ARNT2: variants seen among roughly 807,000 people sequenced by gnomAD.
ARNT2 encodes the protein ARNT protein 2.
A neutral mutation model predicts 91.7 loss-of-function variants in ARNT2; 36 were observed. That is an observed-to-expected ratio of 0.39 (90% confidence interval 0.30 to 0.52). The LOEUF is 0.52. ARNT2 is among the 20% of genes least tolerant of loss of function. The pLI, the probability that ARNT2 is intolerant of heterozygous loss-of-function variation, is 0.72. For synonymous variants in ARNT2, 365 were observed against 347.1 expected (o/e 1.05, Z -0.57); for missense variants, 775 against 939.3 (o/e 0.83, Z 2.29).
intron 1 of ARNT2, among the ~76,000 whole-genome samples, chr15:80,433,094 G>A (rs978551085): frequency 3.3e-5 from 5 of 151,864 alleles, no homozygotes; most frequent in African/African-American, 1.2e-4. Context: ...ATTCAACAAG[G>A]AAACTACTTT....
At chr15:80,513,744 C>G (rs1044724211) in intron 6 of ARNT2, among the ~76,000 whole-genome samples, 167 bp from the exon 7 acceptor site, 1 of 103,026 alleles carries the variant, frequency 9.7e-6, no homozygotes, top group Non-Finnish European at 2.2e-5. Context: ...AAAAAAAAAT[C>G]AAAGGCATGC....
intron 1 of ARNT2, chr15:80,445,048 T>A (rs929128065): frequency 6.7e-6 from 1 of 150,190 alleles, no homozygotes; most frequent in Non-Finnish European, 1.5e-5. Context: ...TATGTGAGGG[T>A]GTGTACGTGT....
In ARNT2 at chr15:80,573,995, G is replaced by A. The variant is rs563913426; in HGVS notation, c.1317-153G>A. On this transcript the variant is annotated intron_variant, in intron 12 of 18. Coordinates refer to ENST00000303329, the MANE Select transcript of ARNT2 (RefSeq NM_014862.4). ...GCAATGTCTGGAGTCTTGATTTAGG[G>A]CATTAAAAATAAAATGATTAAAAAT... 32 of 622,972 alleles carry A rather than the reference G, an allele frequency of 5.1e-5. No homozygotes were observed. In the African/African-American group the frequency reaches 5.3e-4, roughly 10 times the overall value. 38.6% of individuals were successfully genotyped at this position (622,972 alleles called of 1,614,324 possible).
chr15:80,576,528 C>T (rs1396790127), intron 14 of ARNT2, among the ~76,000 whole-genome samples: 1 of 152,214 alleles, frequency 6.6e-6, no homozygotes, highest in Non-Finnish European at 1.5e-5. Context: ...CCGCCTGCCT[C>T]AGCCTCCCAA....
rs371680139 is a variant in ARNT2, at chr15:80,539,492, A to T, written c.878-11707A>T. 1.6e-4 allele frequency among the ~76,000 whole-genome samples: 24 copies of T among 152,314 alleles called. No homozygotes were observed. The East Asian group carries it at 2.9e-3, about 18-fold the overall frequency. On this transcript the variant is annotated intron_variant, in intron 8 of 18. Transcript: ENST00000303329. ...CACTTGAAACCATAATTAATATCTT[A>T]TGCAGAGTGATTAAATATTAGAAGG...
chr15:80,456,288 T>C (rs890437153), intron 2 of ARNT2, among the ~76,000 whole-genome samples: 5 of 144,254 alleles, frequency 3.5e-5, no homozygotes, highest in Non-Finnish European at 7.7e-5. Flanking sequence ...TTTTTTTTTT[T>C]CTTATCACTG....
intron 5 of ARNT2, among the ~76,000 whole-genome samples, chr15:80,495,889 C>T (rs1397921494): frequency 6.6e-6 from 1 of 152,222 alleles, no homozygotes; most frequent in African/African-American, 2.4e-5. Context: ...CCTTTAGCAC[C>T]TCCTCTGGGA....
At chr15:80,443,816 G>A (rs1220980073) in intron 1 of ARNT2, among the ~76,000 whole-genome samples, 1 of 152,208 alleles carries the variant, frequency 6.6e-6, no homozygotes, top group East Asian at 1.9e-4. Flanking sequence ...GCCTTGTGAC[G>A]ATGGCAGCTC....
rs758396995 is a variant in ARNT2 at position 80,563,163 on chromosome 15, C to T, written c.1240C>T (p.Arg414Cys). ...RTKNREWMLI[R>C]TSSFTFQNPY... ...CAAGAACCGGGAGTGGATGTTGATC[C>T]GCACCAGCAGCTTCACATTCCAGAA... The change falls in exon 12 of 19, where the codon CGC becomes TGC. Residue 414 changes from arginine (R) to cysteine (C), a missense_variant. By Grantham distance (180) the Arg-to-Cys change is radical. Coordinates refer to ENST00000303329, the MANE Select transcript of ARNT2 (RefSeq NM_014862.4). 1.4e-5 allele frequency: 23 copies of T among 1,614,094 alleles called. No individual in the cohort carries two copies. The highest frequency in any genetic ancestry group is 3.3e-5 in the Admixed American group (2 of 59,998).
In ARNT2 at chr15:80,442,391, A is replaced by G. The variant is rs189626749; in HGVS notation, c.32-8489A>G. 1.2e-4 allele frequency among the ~76,000 whole-genome samples: 19 copies of G among 152,268 alleles called. No homozygotes were observed. In the East Asian group the frequency reaches 3.5e-3, roughly 28 times the overall value. ...GCATCCCTCACAGCATGCATTTCTC[A>G]GTGTGAAATTACTAGGCTCTGTGCC... On this transcript the variant is annotated intron_variant, in intron 1 of 18. Transcript: ENST00000303329.
At chr15:80,442,985 T>G in intron 1 of ARNT2, 1 of 985,476 alleles carries the variant, frequency 1.0e-6, no homozygotes, top group Non-Finnish European at 1.2e-6. Flanking sequence ...ATCTCTCACC[T>G]GGACTGCTGT....
chr15:80,573,482 A>G (rs989364448), intron 12 of ARNT2, among the ~76,000 whole-genome samples: 1 of 152,144 alleles, frequency 6.6e-6, no homozygotes, highest in Non-Finnish European at 1.5e-5. Flanking sequence ...ATTGAAGAGG[A>G]TCCTGTCATT....
chr15:80,410,318 AAGGAGTT>A (rs1167790143), intron 1 of ARNT2, among the ~76,000 whole-genome samples: 2 of 152,144 alleles, frequency 1.3e-5, no homozygotes. Flanking sequence ...ACTTCATTGT[AAGGAGTT>A]AGGGGAAGAG....
intron 17 of ARNT2, among the ~76,000 whole-genome samples, chr15:80,583,292 C>T (rs955174125): frequency 2.0e-5 from 3 of 152,252 alleles, no homozygotes; most frequent in Non-Finnish European, 4.4e-5. Flanking sequence ...CTTGGAGCAT[C>T]CCACTGTGGC....
At chr15:80,429,444 G>T (rs571203078) in intron 1 of ARNT2, among the ~76,000 whole-genome samples, 1 of 152,338 alleles carries the variant, frequency 6.6e-6, no homozygotes, top group South Asian at 2.1e-4. Context: ...CTCGCAAGGT[G>T]GGGCGCCTGG....
At chr15:80,452,232 A>G (rs1896404870) in intron 2 of ARNT2, among the ~76,000 whole-genome samples, 1 of 152,224 alleles carries the variant, frequency 6.6e-6, no homozygotes, top group South Asian at 2.1e-4. Flanking sequence ...CCAGCAGCAG[A>G]GCTCAGTGGT....
rs56826755 is a variant in ARNT2 at position 80,407,709 on chromosome 15, C to CTGTG, written c.31+3181_31+3184dup. 7.5e-3 allele frequency among the ~76,000 whole-genome samples: 1,124 copies of CTGTG among 149,602 alleles called. 8 individuals carry two copies. Among genetic ancestry groups the CTGTG allele is most frequent in the African/African-American group, 0.026 (1,049 of 41,004 alleles). On this transcript the variant is annotated intron_variant, in intron 1 of 18. Transcript: ENST00000303329. ...TCATAGAATCTTCCGTTTTGTGTGT[C>CTGTG]TGTGTGTGTGTGTGTGTGTGTTGTT...
At position 80,552,682 on chromosome 15, in the gene ARNT2, G is replaced by T. The variant is rs556772189; in HGVS notation, c.997G>T (p.Val333Leu). Residue 333 changes from valine to leucine, a missense_variant, in exon 10 of 19, where the codon GTG becomes TTG. By Grantham distance (32) the Val-to-Leu change is conservative. This residue lies in a region of ARNT2 where 285 missense variants were observed against 327.2 expected (regional missense o/e 0.87). Coordinates refer to ENST00000303329, the MANE Select transcript of ARNT2 (RefSeq NM_014862.4). ...PVCMDMNGMSVPTEFLSRHNS... is the reference protein window; with the variant it reads ...PVCMDMNGMSLPTEFLSRHNS... ...ATGCATGGACATGAATGGGATGTCGGTGCCCACAGAGTTCTTATCCCGGCA... is the reference window on the plus strand; with the variant it reads ...ATGCATGGACATGAATGGGATGTCGTTGCCCACAGAGTTCTTATCCCGGCA... The T allele has an allele frequency of 1.2e-6, 2 of 1,614,002 alleles. No individual in the cohort carries two copies. The highest frequency in any genetic ancestry group is 1.7e-6 in the Non-Finnish European group (2 of 1,179,948).
At chr15:80,585,038 G>A (rs553287622) in intron 17 of ARNT2, among the ~76,000 whole-genome samples, 3 of 152,334 alleles carry the variant, frequency 2.0e-5, no homozygotes, top group East Asian at 3.9e-4. Flanking sequence ...GAGAAAAAAC[G>A]CCCCTGCCTG....
Sources: allele counts gnomAD v4.1 joint callset (sites outside exome capture counted in the v4.1 genomes callset), GRCh38; gene constraint gnomAD v4.1.1; regional missense constraint gnomAD v4.1.1; transcripts MANE v1.5; gene names NCBI Gene and HGNC (gene_info 2026-07-23, HGNC 2026-07-21).